The following GPHN variants were observed in gnomAD, a reference collection of about 807,000 sequenced individuals.
The protein encoded by GPHN is gephyrin.
GPHN carries 17 observed loss-of-function variants against 95.5 expected under a neutral mutation model. That is an observed-to-expected ratio of 0.18 (90% CI 0.12 to 0.27). The LOEUF (loss-of-function observed/expected upper bound fraction) is 0.27, where lower values mean the gene tolerates loss of function less well. GPHN is among the 10% of genes least tolerant of loss of function. The probability of loss-of-function intolerance (pLI) is 1.00; values close to 1 mark genes in which losing one functional copy is unlikely to be tolerated. For synonymous variants in GPHN, 320 were observed against 322.5 expected (o/e 0.99, Z 0.08); for missense variants, 660 against 978.1 (o/e 0.67, Z 4.34).
the GPHN span, among the ~76,000 whole-genome samples, chr14:67,309,503 TA>T: frequency 1.3e-5 from 2 of 152,140 alleles, no homozygotes; most frequent in Admixed American, 1.3e-4. Context: ...ACTTGTCACA[TA>T]AGTAAAGCAT....
intron 2 of GPHN, among the ~76,000 whole-genome samples, chr14:66,726,050 G>T (rs989243130): frequency 6.6e-6 from 1 of 152,302 alleles, no homozygotes; most frequent in Non-Finnish European, 1.5e-5. Flanking sequence ...AAGACTAATT[G>T]TTGACTGAAA....
At chr14:67,576,343 C>A in the GPHN span, 3 of 1,028,126 alleles carry the variant, frequency 2.9e-6, no homozygotes, top group South Asian at 1.4e-5. This position sits in a 1 kb window ranked among gnomAD's most constrained non-coding sequence, Gnocchi z 4.0. Flanking sequence ...GGAGCTCTTG[C>A]CTCCACTCTT....
At chr14:67,073,411 A>G (rs2076381809) in intron 11 of GPHN, among the ~76,000 whole-genome samples, 1 of 152,146 alleles carries the variant, frequency 6.6e-6, no homozygotes, top group South Asian at 2.1e-4. Flanking sequence ...ATTTGCTCTC[A>G]ATTGAAGCAT....
At chr14:67,306,016 G>A in the GPHN span, among the ~76,000 whole-genome samples, 1 of 152,084 alleles carries the variant, frequency 6.6e-6, no homozygotes, top group Non-Finnish European at 1.5e-5. Flanking sequence ...TCTTGTCACC[G>A]AGGCAAGCAG....
intron 8 of GPHN, among the ~76,000 whole-genome samples, chr14:66,953,628 T>G (rs904093486): frequency 6.6e-6 from 1 of 152,184 alleles, no homozygotes; most frequent in Non-Finnish European, 1.5e-5. Context: ...ATCAATTAAG[T>G]ATAAAGTTAG....
intron 2 of GPHN, among the ~76,000 whole-genome samples, chr14:66,720,783 T>G (rs1339523372): frequency 6.6e-6 from 1 of 152,176 alleles, no homozygotes; most frequent in Non-Finnish European, 1.5e-5. Context: ...GTGGATAGCT[T>G]GAGCCTAAGA....
intron 10 of GPHN, among the ~76,000 whole-genome samples, chr14:67,049,122 T>C (rs1385337405): frequency 6.6e-6 from 1 of 152,186 alleles, no homozygotes; most frequent in Admixed American, 6.5e-5. Flanking sequence ...TCTCAATTTT[T>C]TTTTCTCTTC....
the GPHN span, among the ~76,000 whole-genome samples, chr14:67,308,072 C>CT: frequency 6.6e-6 from 1 of 151,944 alleles, no homozygotes; most frequent in Non-Finnish European, 1.5e-5. Context: ...ACACTAGGGT[C>CT]TTTCAGAGGG....
chr14:67,240,912 AC>A, the GPHN span, among the ~76,000 whole-genome samples: 2 of 152,274 alleles, frequency 1.3e-5, no homozygotes, highest in African/African-American at 4.8e-5. Flanking sequence ...TTTAAAAAAA[AC>A]AAATGTTAGA....
intron 11 of GPHN, among the ~76,000 whole-genome samples, chr14:67,081,091 T>A (rs2076677846): frequency 6.6e-6 from 1 of 152,204 alleles, no homozygotes; most frequent in Non-Finnish European, 1.5e-5. Context: ...GTGTCTTTCA[T>A]GTATAATTAC....
intron 2 of GPHN, among the ~76,000 whole-genome samples, chr14:66,722,295 A>G (rs1035486993): frequency 7.9e-5 from 12 of 152,198 alleles, no homozygotes; most frequent in Non-Finnish European, 4.4e-5. Context: ...TTGATTTTCT[A>G]GGCAGATTAC....
intron 11 of GPHN, among the ~76,000 whole-genome samples, chr14:67,088,578 T>C (rs542014544): frequency 2.6e-4 from 39 of 152,308 alleles, no homozygotes; most frequent in African/African-American, 8.9e-4. Flanking sequence ...AATAAACATA[T>C]ACAGAAACAT....
intron 2 of GPHN, among the ~76,000 whole-genome samples, chr14:66,720,011 TAGA>T (rs1191746862): frequency 6.6e-6 from 1 of 152,208 alleles, no homozygotes; most frequent in Non-Finnish European, 1.5e-5. Flanking sequence ...GGCAGTAATC[TAGA>T]AGGTTATTTT....
At chr14:67,648,058 C>T in the GPHN span, 1 of 1,611,714 alleles carries the variant, frequency 6.2e-7, no homozygotes, top group East Asian at 2.2e-5. Flanking sequence ...AGACAAAGAC[C>T]AATCCATTTG....
At chr14:67,299,801 A>C in the GPHN span, among the ~76,000 whole-genome samples, 1 of 152,174 alleles carries the variant, frequency 6.6e-6, no homozygotes, top group African/African-American at 2.4e-5. Context: ...AATAGGGAGA[A>C]AATCTCTAAT....
chr14:66,537,762 G>T (rs1472429276), intron 1 of GPHN, among the ~76,000 whole-genome samples: 3 of 152,014 alleles, frequency 2.0e-5, no homozygotes, highest in Non-Finnish European at 4.4e-5. Context: ...CTCAGCTTTT[G>T]TCTGAAATCC....
At chr14:66,691,299 C>T (rs567197748) in intron 2 of GPHN, among the ~76,000 whole-genome samples, 1 of 152,144 alleles carries the variant, frequency 6.6e-6, no homozygotes, top group African/African-American at 2.4e-5. Flanking sequence ...ATTCTCCTGC[C>T]TCAGCCTCCC....
the GPHN span, among the ~76,000 whole-genome samples, chr14:67,400,079 C>G: frequency 6.6e-6 from 1 of 152,196 alleles, no homozygotes; most frequent in Non-Finnish European, 1.5e-5. Context: ...ATTCCACACT[C>G]AGCACGTACT....
intron 3 of GPHN, among the ~76,000 whole-genome samples, chr14:66,787,301 T>C (rs1263725158): frequency 2.0e-5 from 3 of 152,172 alleles, no homozygotes; most frequent in Non-Finnish European, 4.4e-5. Flanking sequence ...AGCACACATA[T>C]GTTATCTTTA....
Sources: gnomAD v4.1 joint callset for allele counts (sites outside exome capture counted in the v4.1 genomes callset) on GRCh38, gnomAD v4.1.1 for gene constraint, Gnocchi (gnomAD v3.1) non-coding constraint, MANE v1.5 for transcripts, NCBI Gene and HGNC (gene_info 2026-07-23, HGNC 2026-07-21) for gene names.